Variants in HID1 observed in about 807,000 individuals in gnomAD.
HID1 encodes the protein protein HID1.
HID1 carries 42 observed loss-of-function variants against 89.7 expected under a neutral mutation model. The observed-to-expected ratio is 0.47, with a 90% CI of 0.37 to 0.61. The LOEUF is 0.61. HID1 is among the 20% of genes least tolerant of loss of function. The pLI, the probability that HID1 is intolerant of heterozygous loss-of-function variation, is 0.00. For missense variants in HID1, 854 were observed against 1,039.3 expected, an observed-to-expected ratio of 0.82 and a Z score of 2.45; for synonymous variants, 442 against 433.8, an observed-to-expected ratio of 1.02 and a Z score of -0.24.
chr17:74,964,071 T>G (rs1178845977), intron 2 of HID1, 161 bp from the exon 3 acceptor site: 1 of 711,088 alleles, frequency 1.4e-6, no homozygotes, highest in Non-Finnish European at 2.3e-6. Flanking sequence ...CCACCTGGAG[T>G]TGGGGTCGGC....
intron 12 of HID1, among the ~76,000 whole-genome samples, chr17:74,957,407 T>C (rs1011364687): frequency 1.3e-5 from 2 of 151,552 alleles, no homozygotes; most frequent in Non-Finnish European, 2.9e-5. Context: ...TCACTTAACC[T>C]GGGAGGTTGC....
intron 3 of HID1, chr17:74,963,334 A>G (rs912051777): frequency 5.8e-6 from 3 of 514,792 alleles, no homozygotes; most frequent in Non-Finnish European, 1.0e-5. Context: ...TGACCCCAAC[A>G]TCAAGAGTCT....
rs1567959426 is a variant in HID1 at position 74,957,613 on chromosome 17, A to ATT, written c.1471+527_1471+528insAA. Among the ~76,000 whole-genome samples, 374 of 146,960 alleles carry ATT rather than the reference A, an allele frequency of 2.5e-3. 4 individuals carry two copies. Among genetic ancestry groups the ATT allele is most frequent in the African/African-American group, 8.1e-3 (320 of 39,516 alleles). ...AAATTGTTAAATTTTTTTTTTTTAA[A>ATT]AAAAGGCCAGATGCAGTGGCTCATG... On this transcript the variant is annotated intron_variant, in intron 12 of 18. Coordinates refer to ENST00000425042, the MANE Select transcript of HID1 (RefSeq NM_030630.3).
At chr17:74,956,190 A>G (rs2039388711) in intron 12 of HID1, among the ~76,000 whole-genome samples, 1 of 152,150 alleles carries the variant, frequency 6.6e-6, no homozygotes, top group Admixed American at 6.5e-5. Flanking sequence ...TGTCCTGCTT[A>G]TAAAGCCATA....
rs1176278747 is a variant in HID1, at chr17:74,959,851, C to G, written c.1008+30G>C. On this transcript the variant is annotated intron_variant, in intron 8 of 18. Coordinates refer to ENST00000425042, the MANE Select transcript of HID1 (RefSeq NM_030630.3). This position sits in a 1 kb window ranked among gnomAD's most constrained non-coding sequence, Gnocchi z 4.6. ...TGTCTCACTTGCATCCCCCTGCACC[C>G]TGCAAAGCCACTGTGGGGACTGGAC... 2 of 1,612,118 alleles carry G rather than the reference C, an allele frequency of 1.2e-6. No homozygotes were observed. The highest frequency in any genetic ancestry group is 2.7e-5 in the African/African-American group (2 of 75,042).
intron 6 of HID1, 149 bp downstream of exon 6, chr17:74,961,724 A>C: frequency 2.3e-6 from 1 of 428,724 alleles, no homozygotes; most frequent in Non-Finnish European, 4.2e-6. Context: ...AGACGGGGCT[A>C]GTGTGAGGTG....
chr17:74,964,389 C>T (rs962127992), intron 2 of HID1, 94 bp downstream of exon 2: 159 of 1,377,438 alleles, frequency 1.2e-4, no homozygotes, highest in Non-Finnish European at 1.5e-4. Context: ...GGGCTGCCTG[C>T]CCCTGTGGGG....
chr17:74,960,259 A>C lies in HID1; in HGVS notation c.729-11T>G. On this transcript the variant is annotated splice_polypyrimidine_tract_variant and intron_variant, in intron 6 of 18. Transcript: ENST00000425042. The stretch of plus-strand genomic sequence containing the variant: ...AGGGGCAGGGCATGTCTGCAGCAGG[A>C]GAGGGACAAGGCTGCAGAGGCTGCA... The C allele has an allele frequency of 6.2e-7, 1 of 1,601,334 alleles. No individual in the cohort carries two copies. Among genetic ancestry groups the C allele is most frequent in the Non-Finnish European group, 8.5e-7 (1 of 1,176,730 alleles).
rs747017591 is a variant in HID1 at position 74,960,243 on chromosome 17, G to A, written c.734C>T (p.Ala245Val). 1 of 1,608,108 alleles carries A rather than the reference G, an allele frequency of 6.2e-7. No homozygotes were observed. The highest frequency in any genetic ancestry group is 1.1e-5 in the South Asian group (1 of 90,980). ...QFFCSTENRHALPLFTSLLNT... is the reference protein window; with the variant it reads ...QFFCSTENRHVLPLFTSLLNT... ...GAGGAGGGAGGTGAAGAGGGGCAGG[G>A]CATGTCTGCAGCAGGAGAGGGACAA... The change falls in exon 7 of 19, where the codon GCC becomes GTC. Residue 245 changes from alanine to valine, a missense_variant. Physicochemically the swap from Ala to Val is moderately conservative, Grantham distance 64. Coordinates refer to ENST00000425042, the MANE Select transcript of HID1 (RefSeq NM_030630.3).
At chr17:74,961,848 C>A (rs771062692) in intron 6 of HID1, 25 bp downstream of exon 6, 5 of 1,358,158 alleles carry the variant, frequency 3.7e-6, no homozygotes, top group Admixed American at 2.6e-5. Flanking sequence ...GGGAAGAGAG[C>A]GCAGAAAGGC....
chr17:74,958,720 A>T lies in HID1; in HGVS notation c.1193T>A (p.Ile398Asn). ...GAGGAAGAAGAGGATGGGGACAAGG[A>T]TGTCTAGGACGTCGCTGCTCTTCAG... is the stretch of plus-strand genomic sequence containing the variant. ...FVLKSSDVLD[I>N]LVPILFFLND... Residue 398 changes from isoleucine (I) to asparagine (N), a missense_variant, in exon 10 of 19, where the codon ATC becomes AAC. Transcript: ENST00000425042. The surrounding 1 kb of genome is among the most constrained non-coding windows in gnomAD (Gnocchi z 5.2). The T allele has an allele frequency of 6.3e-7, 1 of 1,587,934 alleles. No homozygotes were observed. Among genetic ancestry groups the T allele is most frequent in the Non-Finnish European group, 8.6e-7 (1 of 1,168,184 alleles).
At chr17:74,960,681 G>A (rs1287095698) in intron 6 of HID1, among the ~76,000 whole-genome samples, 1 of 152,240 alleles carries the variant, frequency 6.6e-6, no homozygotes, top group Non-Finnish European at 1.5e-5. Context: ...TAAGGCTGGT[G>A]AGAAAGAAAA....
rs780436551 is a variant in HID1 at position 74,972,561 on chromosome 17, G to A, written c.66+30C>T. On this transcript the variant is annotated intron_variant, in intron 1 of 18. Transcript: ENST00000425042. This position sits in a 1 kb window ranked among gnomAD's most constrained non-coding sequence, Gnocchi z 6.4. ...TGCCCAGCCCCCAGCCCGGCAGGTGGATGGGGACGCCGGGGCCCCCGTGGC... is the reference window on the plus strand; with the variant it reads ...TGCCCAGCCCCCAGCCCGGCAGGTGAATGGGGACGCCGGGGCCCCCGTGGC... 4.6e-6 allele frequency: 7 copies of A among 1,538,120 alleles called. No individual in the cohort carries two copies. In the African/African-American group the frequency reaches 8.3e-5, roughly 18 times the overall value.
rs199684325 is a variant in HID1 at position 74,962,364 on chromosome 17, C to T, written c.505-24G>A. 352 of 1,557,042 alleles carry T rather than the reference C, an allele frequency of 2.3e-4. No homozygotes were observed. Among genetic ancestry groups the T allele is most frequent in the Middle Eastern group, 2.2e-3 (13 of 5,900 alleles). On this transcript the variant is annotated intron_variant, in intron 4 of 18. Coordinates refer to ENST00000425042, the MANE Select transcript of HID1 (RefSeq NM_030630.3). This position sits in a 1 kb window ranked among gnomAD's most constrained non-coding sequence, Gnocchi z 4.3. ...TCCTGGGGACAGGCCAGGAAGAAGC[C>T]GGGTTAGGGGGTCGAGAGGTGAACA...
At chr17:74,955,140 G>A (rs2039369136) in intron 13 of HID1, among the ~76,000 whole-genome samples, 1 of 152,192 alleles carries the variant, frequency 6.6e-6, no homozygotes, top group South Asian at 2.1e-4. Flanking sequence ...TGGTCACAGG[G>A]CTAACGAGTG....
chr17:74,960,293 C>A (rs756723814), intron 6 of HID1, 45 bp from the exon 7 acceptor site: 2 of 1,537,186 alleles, frequency 1.3e-6, no homozygotes, highest in Non-Finnish European at 1.8e-6. Flanking sequence ...CACTGGGGCC[C>A]AGCCCCCTGG....
rs1306941440 is a variant in HID1, at chr17:74,972,693, A to G, written c.-37T>C. 6.7e-7 allele frequency: 1 copy of G among 1,491,090 alleles called. No homozygotes were observed. Among genetic ancestry groups the G allele is most frequent in the East Asian group, 2.8e-5 (1 of 35,562 alleles). The allele number at this position is 1,491,090 out of a possible 1,614,324, so 92.4% of individuals were successfully genotyped here. On this transcript the variant is annotated 5_prime_UTR_variant, in exon 1 of 19. Transcript: ENST00000425042. The surrounding 1 kb of genome is among the most constrained non-coding windows in gnomAD (Gnocchi z 6.4). ...CCGCTCCGGCCCGGCCCCCGCCCAG[A>G]CTCCAACCCGGCTCCGGCTTCAGCT...
intron 6 of HID1, 72 bp from the exon 7 acceptor site, chr17:74,960,320 A>G: frequency 7.5e-7 from 1 of 1,339,638 alleles, no homozygotes; most frequent in Non-Finnish European, 1.0e-6. Flanking sequence ...CTCTCTGGCC[A>G]CGTGGGAAGG....
rs562683699 is a variant in HID1 at position 74,955,729 on chromosome 17, C to T, written c.1636+63G>A. ...GAGGCCACCTCCTGGGCTGTGCCCC[C>T]CTTATGTAGGAAGTAGGCCCGCTGG... On this transcript the variant is annotated intron_variant, in intron 13 of 18. Transcript: ENST00000425042. 1,278 of 1,529,878 alleles carry T rather than the reference C, an allele frequency of 8.4e-4. 1 individual carries two copies. The highest frequency in any genetic ancestry group is 2.2e-3 in the Middle Eastern group (13 of 5,826). 94.8% of individuals were successfully genotyped at this position (1,529,878 alleles called of 1,614,324 possible).
Sources: gnomAD v4.1 joint callset for allele counts (sites outside exome capture counted in the v4.1 genomes callset) on GRCh38, gnomAD v4.1.1 for gene constraint, Gnocchi (gnomAD v3.1) non-coding constraint, MANE v1.5 for transcripts, NCBI Gene and HGNC (gene_info 2026-07-23, HGNC 2026-07-21) for gene names.